The following SUGCT variants were observed in gnomAD, a reference collection of about 807,000 sequenced individuals.
The protein encoded by SUGCT is succinyl-CoA:glutarate-CoA transferase.
Under a neutral mutation model 55.0 loss-of-function variants are expected in SUGCT, and 41 were observed. The ratio of observed to expected loss-of-function variants is 0.74; its 90% CI spans 0.58 to 0.97. SUGCT has a LOEUF of 0.97. SUGCT is among the 50% of genes least tolerant of loss of function. The pLI, the probability that SUGCT is intolerant of heterozygous loss-of-function variation, is 0.00. For missense variants in SUGCT, 568 were observed against 547.8 expected (o/e 1.04, Z -0.37); for synonymous variants, 187 against 200.4 (o/e 0.93, Z 0.56).
At chr7:40,415,503 G>C (rs896052404) in intron 9 of SUGCT, among the ~76,000 whole-genome samples, 2 of 148,944 alleles carry the variant, frequency 1.3e-5, no homozygotes, top group Admixed American at 6.7e-5. Context: ...CTTTGACTCT[G>C]TTTTTATTTT....
At chr7:40,681,308 T>A (rs1285432144) in intron 12 of SUGCT, among the ~76,000 whole-genome samples, 3 of 152,042 alleles carry the variant, frequency 2.0e-5, no homozygotes, top group Non-Finnish European at 4.4e-5. Flanking sequence ...GCGCTGAAGG[T>A]TGAGCTAATC....
At chr7:40,439,064 G>GTGTAGATA (rs1283539157) in intron 9 of SUGCT, among the ~76,000 whole-genome samples, 1 of 27,194 alleles carries the variant, frequency 3.7e-5, no homozygotes, top group Non-Finnish European at 6.9e-5. Flanking sequence ...TATATATGGT[G>GTGTAGATA]TATATATATA....
chr7:40,677,969 C>T (rs1386777121), intron 12 of SUGCT, among the ~76,000 whole-genome samples: 1 of 152,166 alleles, frequency 6.6e-6, no homozygotes, highest in Non-Finnish European at 1.5e-5. Flanking sequence ...AGGGACATGG[C>T]TGGCCAGCTT....
At chr7:40,403,816 C>A (rs562210285) in intron 9 of SUGCT, among the ~76,000 whole-genome samples, 11 of 152,182 alleles carry the variant, frequency 7.2e-5, no homozygotes, top group Non-Finnish European at 1.5e-4. Context: ...GTCTATATGG[C>A]AAACAGGTTG....
At chr7:40,811,109 C>T (rs1002794710) in intron 13 of SUGCT, among the ~76,000 whole-genome samples, 1 of 152,072 alleles carries the variant, frequency 6.6e-6, no homozygotes, top group African/African-American at 2.4e-5. Flanking sequence ...TATTCTGTTC[C>T]ATTGTTCTAT....
intron 12 of SUGCT, among the ~76,000 whole-genome samples, chr7:40,685,316 C>A (rs1784418725): frequency 6.6e-6 from 1 of 152,090 alleles, no homozygotes; most frequent in Non-Finnish European, 1.5e-5. Context: ...TTATAATCTA[C>A]CTAAAGATAT....
rs574926989 is a variant in SUGCT at position 40,679,215 on chromosome 7, A to T, written c.1090-70219A>T. On this transcript the variant is annotated intron_variant, in intron 12 of 13. Coordinates refer to ENST00000335693, the MANE Select transcript of SUGCT (RefSeq NM_001193313.2). ...AATTCACTGAGAAAGGAGCATTTCTAATATCCATTATGCTGAAGAACAAGG... is the reference window on the plus strand; with the variant it reads ...AATTCACTGAGAAAGGAGCATTTCTTATATCCATTATGCTGAAGAACAAGG... 2.0e-5 allele frequency among the ~76,000 whole-genome samples: 3 copies of T among 152,314 alleles called. No homozygotes were observed. The East Asian group carries it at 5.8e-4, about 29-fold the overall frequency.
chr7:40,480,456 C>A (rs1388156008), intron 11 of SUGCT, among the ~76,000 whole-genome samples: 2 of 152,054 alleles, frequency 1.3e-5, no homozygotes, highest in African/African-American at 4.8e-5. Context: ...AAGTGAGATG[C>A]CGCCAGTTTT....
the SUGCT span, among the ~76,000 whole-genome samples, chr7:40,918,799 A>G: frequency 6.6e-6 from 1 of 152,190 alleles, no homozygotes; most frequent in East Asian, 1.9e-4. Flanking sequence ...GTATTCAAAT[A>G]CTCAAACAGC....
chr7:40,328,360 G>C (rs1796119377), intron 9 of SUGCT, among the ~76,000 whole-genome samples: 1 of 152,198 alleles, frequency 6.6e-6, no homozygotes, highest in African/African-American at 2.4e-5. Flanking sequence ...TCTATTTAAT[G>C]AGAACAGTCC....
At chr7:40,800,083 T>C (rs909072002) in intron 13 of SUGCT, among the ~76,000 whole-genome samples, 2 of 152,320 alleles carry the variant, frequency 1.3e-5, no homozygotes, top group African/African-American at 4.8e-5. Flanking sequence ...AAAGTCATTG[T>C]CATCAATGTG....
intron 9 of SUGCT, among the ~76,000 whole-genome samples, chr7:40,440,489 C>T (rs181732919): frequency 1.1e-4 from 17 of 152,148 alleles, no homozygotes; most frequent in Middle Eastern, 3.4e-3. Context: ...CAGACTTTCA[C>T]CTGGTACCCA....
chr7:40,824,219 A>C (rs774109404), intron 13 of SUGCT, among the ~76,000 whole-genome samples: 1 of 152,024 alleles, frequency 6.6e-6, no homozygotes, highest in African/African-American at 2.4e-5. Context: ...AAAAAAAAAA[A>C]CAAAAAACAA....
intron 12 of SUGCT, among the ~76,000 whole-genome samples, chr7:40,588,544 C>T (rs575621857): frequency 2.6e-5 from 4 of 152,116 alleles, no homozygotes; most frequent in South Asian, 4.2e-4. Context: ...ACATTTCTAA[C>T]GATTAGAGTT....
At chr7:40,736,912 C>T (rs944501087) in intron 12 of SUGCT, among the ~76,000 whole-genome samples, 10 of 151,872 alleles carry the variant, frequency 6.6e-5, no homozygotes, top group African/African-American at 1.9e-4. Context: ...TAAAGGAAAG[C>T]CTAAGATAAA....
chr7:40,274,592 G>A lies in SUGCT; in HGVS notation c.656G>A (p.Gly219Glu). Residue 219 changes from glycine (G) to glutamate (E), a missense_variant, in exon 8 of 14, where the codon GGA becomes GAA. Transcript: ENST00000335693. ...TATGCATATGGAGCTATTATGGCTG[G>A]ATTGATACAAAAATACAAAACTGGG... ...GLYAYGAIMAGLIQKYKTGKG... is the reference protein window; with the variant it reads ...GLYAYGAIMAELIQKYKTGKG... 6.2e-7 allele frequency: 1 copy of A among 1,613,752 alleles called. No homozygotes were observed. Among genetic ancestry groups the A allele is most frequent in the East Asian group, 2.2e-5 (1 of 44,856 alleles).
At chr7:40,587,722 C>T (rs1364835690) in intron 12 of SUGCT, among the ~76,000 whole-genome samples, 2 of 152,030 alleles carry the variant, frequency 1.3e-5, no homozygotes, top group Non-Finnish European at 2.9e-5. Flanking sequence ...AAATAGCTAC[C>T]ATATGAAATC....
the SUGCT span, among the ~76,000 whole-genome samples, chr7:40,928,773 T>C: frequency 6.6e-6 from 1 of 152,044 alleles, no homozygotes; most frequent in Non-Finnish European, 1.5e-5. Context: ...CTAATTTTTG[T>C]ATTTTCAGTA....
intron 12 of SUGCT, among the ~76,000 whole-genome samples, chr7:40,611,751 T>C (rs1482277045): frequency 6.6e-6 from 1 of 152,186 alleles, no homozygotes; most frequent in Non-Finnish European, 1.5e-5. Context: ...TTTCTTATTA[T>C]CTCCATTTTA....
Sources: gnomAD v4.1 joint callset for allele counts (sites outside exome capture counted in the v4.1 genomes callset) on GRCh38, gnomAD v4.1.1 for gene constraint, MANE v1.5 for transcripts, NCBI Gene and HGNC (gene_info 2026-07-23, HGNC 2026-07-21) for gene names.